HERC3: variants seen among roughly 807,000 people sequenced by gnomAD.
HERC3 encodes the protein HECT and RLD domain containing E3 ubiquitin protein ligase 3, also known as probable E3 ubiquitin-protein ligase HERC3.
HERC3 carries 58 observed loss-of-function variants against 129.9 expected under a neutral mutation model. The observed-to-expected ratio is 0.45, with a 90% CI of 0.36 to 0.56. HERC3 has a LOEUF of 0.56. Ranked by LOEUF, HERC3 falls within the 20% of genes least tolerant of loss-of-function variation. The pLI is 0.00. For synonymous variants in HERC3, 430 were observed against 451.0 expected, an observed-to-expected ratio of 0.95 and a Z score of 0.59; for missense variants, 835 against 1,244.2, an observed-to-expected ratio of 0.67 and a Z score of 4.95.
the HERC3 span, among the ~76,000 whole-genome samples, chr4:88,586,353 T>C: frequency 0.26 from 39,399 of 150,586 alleles, 9,665 homozygotes; most frequent in African/African-American, 0.64. Flanking sequence ...CTTTTTTTTT[T>C]TTTCTTTCTT....
chr4:88,704,678 T>C, intron 25 of HERC3, 68 bp downstream of exon 25: 1 of 934,556 alleles, frequency 1.1e-6, no homozygotes, highest in Non-Finnish European at 1.8e-6. Context: ...TAGGATGACA[T>C]GCTCCACAGC....
intron 23 of HERC3, chr4:88,690,096 AC>A: frequency 1.0e-6 from 1 of 985,294 alleles, no homozygotes; most frequent in African/African-American, 1.7e-5. Flanking sequence ...GGCTCTAGAA[AC>A]CTAATATAGA....
At chr4:88,545,459 G>T in the HERC3 span, among the ~76,000 whole-genome samples, 1 of 129,474 alleles carries the variant, frequency 7.7e-6, no homozygotes, top group African/African-American at 3.2e-5. Flanking sequence ...TTTAGATAGG[G>T]TCTTGCTCTG....
At chr4:88,628,594 A>T (rs1333528477) in intron 3 of HERC3, among the ~76,000 whole-genome samples, 3 of 152,168 alleles carry the variant, frequency 2.0e-5, no homozygotes, top group Admixed American at 2.0e-4. Context: ...CAATGCAGGG[A>T]TGTTTTGCCT....
chr4:88,654,814 C>G (rs1729709945), intron 7 of HERC3, among the ~76,000 whole-genome samples: 1 of 152,042 alleles, frequency 6.6e-6, no homozygotes, highest in Admixed American at 6.6e-5. Flanking sequence ...ATTTGTAGAG[C>G]ACCTAATTTC....
the HERC3 span, among the ~76,000 whole-genome samples, chr4:88,546,327 C>A: frequency 6.6e-6 from 1 of 152,274 alleles, no homozygotes; most frequent in East Asian, 1.9e-4. Context: ...CACTGCACCT[C>A]TGTTGGTCAA....
chr4:88,559,375 C>T, the HERC3 span, among the ~76,000 whole-genome samples: 1 of 152,074 alleles, frequency 6.6e-6, no homozygotes, highest in Non-Finnish European at 1.5e-5. Context: ...TGTATTCATC[C>T]TTCAAAGACA....
intron 3 of HERC3, among the ~76,000 whole-genome samples, chr4:88,607,893 G>A (rs545906725): frequency 6.6e-6 from 1 of 152,226 alleles, no homozygotes; most frequent in South Asian, 2.1e-4. Flanking sequence ...TTAAGGTAGG[G>A]TCTTAAATTG....
At chr4:88,588,331 AGT>A (rs892669024), upstream of HERC3, among the ~76,000 whole-genome samples, 22 of 152,206 alleles carry the variant, frequency 1.4e-4, no homozygotes, top group African/African-American at 5.3e-4. Flanking sequence ...TTTTATTCTA[AGT>A]TGTTTCATAT....
chr4:88,531,474 T>G, the HERC3 span, among the ~76,000 whole-genome samples: 23 of 152,208 alleles, frequency 1.5e-4, no homozygotes, highest in African/African-American at 5.3e-4. Context: ...AATATCCAGA[T>G]AAGCAACTCC....
At chr4:88,665,379 C>T (rs1056391307) in intron 12 of HERC3, among the ~76,000 whole-genome samples, 1 of 152,154 alleles carries the variant, frequency 6.6e-6, no homozygotes, top group Non-Finnish European at 1.5e-5. Context: ...GTGGGGGCTG[C>T]TGGTGTAAGT....
At chr4:88,597,742 A>C (rs1043571071) in intron 2 of HERC3, among the ~76,000 whole-genome samples, 1 of 152,162 alleles carries the variant, frequency 6.6e-6, no homozygotes, top group African/African-American at 2.4e-5. Flanking sequence ...CTTAGAGGGG[A>C]TGATCCGGGG....
chr4:88,701,513 G>A (rs983017214), intron 23 of HERC3, among the ~76,000 whole-genome samples: 7 of 152,152 alleles, frequency 4.6e-5, no homozygotes, highest in East Asian at 1.9e-4. Flanking sequence ...TTCATGATGT[G>A]AAGTTTTAAA....
chr4:88,533,411 C>G, the HERC3 span, among the ~76,000 whole-genome samples: 692 of 152,238 alleles, frequency 4.5e-3, 6 homozygotes, highest in Admixed American at 9.5e-3. Flanking sequence ...ATCAAGTTGA[C>G]ACATTATTAA....
the HERC3 span, among the ~76,000 whole-genome samples, chr4:88,580,833 T>C: frequency 6.6e-6 from 1 of 152,144 alleles, no homozygotes; most frequent in Non-Finnish European, 1.5e-5. Context: ...ATTGAAAGAT[T>C]TGGTAAGAGG....
At chr4:88,685,798 G>A (rs1733379850) in intron 21 of HERC3, among the ~76,000 whole-genome samples, 1 of 151,502 alleles carries the variant, frequency 6.6e-6, no homozygotes, top group Non-Finnish European at 1.5e-5. Flanking sequence ...AGTCTAACTG[G>A]GTGAAAAAAA....
At chr4:88,688,708 A>G (rs1733740103) in intron 23 of HERC3, among the ~76,000 whole-genome samples, 1 of 152,210 alleles carries the variant, frequency 6.6e-6, no homozygotes, top group South Asian at 2.1e-4. Flanking sequence ...CTCAATAAAG[A>G]AGTCTTATAT....
chr4:88,556,410 T>G, the HERC3 span, among the ~76,000 whole-genome samples: 2 of 152,220 alleles, frequency 1.3e-5, no homozygotes, highest in African/African-American at 2.4e-5. Flanking sequence ...ACAAATACTC[T>G]TATTTTGAAA....
chr4:88,664,307 T>C (rs771383387), intron 12 of HERC3, 95 bp downstream of exon 12: 48 of 1,022,464 alleles, frequency 4.7e-5, no homozygotes, highest in Non-Finnish European at 7.1e-5. Context: ...AGTTTAGGAG[T>C]TTGGGGCTTT....
Sources: allele counts gnomAD v4.1 joint callset (sites outside exome capture counted in the v4.1 genomes callset), GRCh38; gene constraint gnomAD v4.1.1; transcripts MANE v1.5; gene names NCBI Gene and HGNC (gene_info 2026-07-23, HGNC 2026-07-21).